The following CHODL variants were observed in gnomAD, a reference collection of about 807,000 sequenced individuals.
CHODL encodes the protein chondrolectin.
CHODL carries 29 observed loss-of-function variants against 34.5 expected under a neutral mutation model. That is an observed-to-expected ratio of 0.84 (90% CI 0.63 to 1.15). The LOEUF is 1.15. Ranked by LOEUF, CHODL falls within the 50% of genes most tolerant of loss-of-function variation. The pLI, the probability that CHODL is intolerant of heterozygous loss-of-function variation, is 0.00. For missense variants in CHODL, 332 were observed against 332.5 expected, an observed-to-expected ratio of 1.00 and a Z score of 0.01; for synonymous variants, 125 against 116.1, an observed-to-expected ratio of 1.08 and a Z score of -0.49.
intron 2 of CHODL, among the ~76,000 whole-genome samples, chr21:18,089,984 G>A (rs990056540): frequency 3.3e-5 from 5 of 152,176 alleles, no homozygotes; most frequent in African/African-American, 1.2e-4. Context: ...GCATTAATTG[G>A]TGGTTTTCTG....
At chr21:18,051,025 CTCA>C (rs2064508151) in intron 2 of CHODL, among the ~76,000 whole-genome samples, 1 of 151,640 alleles carries the variant, frequency 6.6e-6, no homozygotes, top group Non-Finnish European at 1.5e-5. Context: ...GTTTGCTGCA[CTCA>C]TCAACCCGTC....
intron 2 of CHODL, among the ~76,000 whole-genome samples, chr21:18,045,394 G>C (rs149335): frequency 0.055 from 8,298 of 151,946 alleles, 332 homozygotes; most frequent in African/African-American, 0.11. Flanking sequence ...GGTGAAAACT[G>C]TCTTTACAAC....
At chr21:18,182,263 A>G (rs2073390660) in intron 2 of CHODL, among the ~76,000 whole-genome samples, 1 of 152,186 alleles carries the variant, frequency 6.6e-6, no homozygotes, top group African/African-American at 2.4e-5. Flanking sequence ...TTTGAGGTTC[A>G]GACAATTTAA....
In CHODL at chr21:18,245,029, CGCGCGGCACAG is replaced by C. The variant is rs1273872834; in HGVS notation, c.-186_-176del. 3.9e-5 allele frequency: 19 copies of C among 485,108 alleles called. No individual in the cohort carries two copies. Among genetic ancestry groups the C allele is most frequent in the Non-Finnish European group, 6.4e-5 (18 of 281,110 alleles). 30.1% of individuals were successfully genotyped at this position (485,108 alleles called of 1,614,324 possible). On this transcript the variant is annotated 5_prime_UTR_variant, in exon 1 of 6. Transcript: ENST00000299295. ...CTTGAACTCCAGCCCCGCACATCCACGCGCGGCACAGGCGCGGCAGGCGGCAGGTCCCGGCC... is the reference window on the plus strand; with the variant it reads ...CTTGAACTCCAGCCCCGCACATCCACGCGCGGCAGGCGGCAGGTCCCGGCC...
chr21:18,210,711 T>C (rs560855397), intron 2 of CHODL, among the ~76,000 whole-genome samples: 1 of 152,322 alleles, frequency 6.6e-6, no homozygotes, highest in South Asian at 2.1e-4. Context: ...GTTAGGCTGC[T>C]ATCATTTCTT....
In CHODL at chr21:18,260,538, C is replaced by A. The variant is rs142022061; in HGVS notation, c.634+252C>A. On this transcript the variant is annotated intron_variant, in intron 4 of 5. Transcript: ENST00000299295. ...ACATTAAAATTTGGATCTGGCCAGGCACAGGGGCTCACACCTGTAATCCCA... is the reference window on the plus strand; with the variant it reads ...ACATTAAAATTTGGATCTGGCCAGGAACAGGGGCTCACACCTGTAATCCCA... 4.3e-3 allele frequency among the ~76,000 whole-genome samples: 661 copies of A among 152,256 alleles called. 3 individuals are homozygous for A. Among genetic ancestry groups the A allele is most frequent in the African/African-American group, 0.015 (619 of 41,544 alleles).
intron 2 of CHODL, among the ~76,000 whole-genome samples, chr21:18,080,679 C>T (rs1195513687): frequency 2.0e-5 from 3 of 152,220 alleles, no homozygotes; most frequent in East Asian, 1.9e-4. Context: ...CATTGTGTTC[C>T]ATTGATCTAT....
At chr21:18,105,840 CT>C (rs1441241197) in intron 2 of CHODL, among the ~76,000 whole-genome samples, 2 of 152,126 alleles carry the variant, frequency 1.3e-5, no homozygotes, top group South Asian at 2.1e-4. Flanking sequence ...CCAGAATGTA[CT>C]TTTTTCACCA....
intron 2 of CHODL, among the ~76,000 whole-genome samples, chr21:18,164,265 A>T (rs1270599011): frequency 6.6e-6 from 1 of 152,226 alleles, no homozygotes; most frequent in Non-Finnish European, 1.5e-5. Context: ...GTAAATTCAT[A>T]TCTTCAGGAG....
At chr21:17,955,928 A>G (rs2063491084) in intron 1 of CHODL, among the ~76,000 whole-genome samples, 1 of 137,086 alleles carries the variant, frequency 7.3e-6, no homozygotes, top group Non-Finnish European at 1.7e-5. Flanking sequence ...GAAATATATT[A>G]AAGCCCATCT....
At chr21:18,174,202 A>G (rs943936741) in intron 2 of CHODL, among the ~76,000 whole-genome samples, 1 of 117,744 alleles carries the variant, frequency 8.5e-6, no homozygotes, top group African/African-American at 2.8e-5. Context: ...AGTTATTTTC[A>G]TTTACATTAT....
At chr21:18,218,112 G>C (rs2073848232) in intron 2 of CHODL, among the ~76,000 whole-genome samples, 1 of 152,202 alleles carries the variant, frequency 6.6e-6, no homozygotes, top group South Asian at 2.1e-4. Flanking sequence ...CTGGAGGATG[G>C]TGGCCCTCTT....
intron 2 of CHODL, among the ~76,000 whole-genome samples, chr21:18,126,546 A>G (rs761499958): frequency 4.6e-5 from 7 of 151,870 alleles, no homozygotes; most frequent in Non-Finnish European, 1.0e-4. Flanking sequence ...AGTAATGGTC[A>G]TCTTGACAAT....
intron 1 of CHODL, among the ~76,000 whole-genome samples, chr21:17,966,585 A>T (rs7281752): frequency 0.24 from 36,363 of 152,168 alleles, 4,661 homozygotes; most frequent in Non-Finnish European, 0.3. Context: ...AAGAAATACA[A>T]GGCAGGGTGT....
intron 1 of CHODL, among the ~76,000 whole-genome samples, chr21:18,002,853 G>A (rs1568839244): frequency 1.3e-5 from 2 of 152,078 alleles, no homozygotes; most frequent in African/African-American, 4.8e-5. Flanking sequence ...GCCGGGCGCT[G>A]TGGCTCACGC....
chr21:18,184,624 G>A (rs1470215460), intron 2 of CHODL, among the ~76,000 whole-genome samples: 1 of 152,164 alleles, frequency 6.6e-6, no homozygotes, highest in African/African-American at 2.4e-5. Context: ...TAAGTCATCA[G>A]GGCTGGACAA....
intron 1 of CHODL, 140 bp downstream of exon 1, chr21:18,245,442 AATTG>A (rs1465252541): frequency 1.4e-5 from 9 of 650,876 alleles, no homozygotes; most frequent in African/African-American, 7.7e-5. Flanking sequence ...GGCGGGGAGA[AATTG>A]ATTGTGCTGT....
chr21:17,970,882 C>T (rs1291287491), intron 1 of CHODL, among the ~76,000 whole-genome samples: 1 of 152,148 alleles, frequency 6.6e-6, no homozygotes, highest in African/African-American at 2.4e-5. Flanking sequence ...TATCCCTCCC[C>T]TAGCCCCCAC....
At chr21:18,181,549 C>T (rs1287009681) in intron 2 of CHODL, among the ~76,000 whole-genome samples, 1 of 152,152 alleles carries the variant, frequency 6.6e-6, no homozygotes, top group African/African-American at 2.4e-5. Flanking sequence ...ACTACAGGCG[C>T]CCGCCACCAC....
Sources: allele counts gnomAD v4.1 joint callset (sites outside exome capture counted in the v4.1 genomes callset), GRCh38; gene constraint gnomAD v4.1.1; transcripts MANE v1.5; gene names NCBI Gene and HGNC (gene_info 2026-07-23, HGNC 2026-07-21).